Variants in PCLO observed in about 807,000 individuals in gnomAD.
The protein encoded by PCLO is piccolo presynaptic cytomatrix protein, also known as protein piccolo.
In PCLO, 82 loss-of-function variants were observed where a neutral mutation model predicts 427.5. The observed-to-expected ratio is 0.19, with a 90% CI of 0.16 to 0.23. The LOEUF is 0.23. PCLO is among the 10% of genes least tolerant of loss of function. The pLI, the probability that PCLO is intolerant of heterozygous loss-of-function variation, is 1.00. For missense variants in PCLO, 6,239 were observed against 6,115.9 expected (o/e 1.02, Z -0.67); for synonymous variants, 2,357 against 2,155.4 (o/e 1.09, Z -2.59).
At chr7:82,859,319 T>C (rs966231365) in intron 10 of PCLO, among the ~76,000 whole-genome samples, 1 of 152,194 alleles carries the variant, frequency 6.6e-6, no homozygotes, top group African/African-American at 2.4e-5. Context: ...GTGCTGACTT[T>C]AGGTCTTACC....
intron 6 of PCLO, among the ~76,000 whole-genome samples, chr7:82,932,696 G>A (rs1393796711): frequency 2.6e-5 from 4 of 152,060 alleles, no homozygotes; most frequent in Admixed American, 2.6e-4. Flanking sequence ...GGATCTGGCA[G>A]GACTTCTGAT....
At chr7:82,759,032 G>A (rs1283240904) in intron 24 of PCLO, among the ~76,000 whole-genome samples, 1 of 151,864 alleles carries the variant, frequency 6.6e-6, no homozygotes, top group African/African-American at 2.4e-5. Context: ...CTGATGGAAA[G>A]TTTCACAAAA....
chr7:82,881,972 T>C (rs1319841079), intron 9 of PCLO, among the ~76,000 whole-genome samples: 6 of 152,124 alleles, frequency 3.9e-5, no homozygotes, highest in African/African-American at 1.2e-4. Flanking sequence ...GACAATTAAG[T>C]TGCATAAGAA....
chr7:82,951,655 T>C (rs1410180325), intron 5 of PCLO, among the ~76,000 whole-genome samples, 165 bp from the exon 6 acceptor site: 3 of 146,712 alleles, frequency 2.0e-5, no homozygotes, highest in Non-Finnish European at 4.4e-5. Context: ...TGCAGGCGCA[T>C]GCAGTGATTT....
intron 3 of PCLO, among the ~76,000 whole-genome samples, chr7:83,084,865 CAG>C (rs1490186828): frequency 6.6e-6 from 1 of 152,144 alleles, no homozygotes; most frequent in Non-Finnish European, 1.5e-5. Context: ...GTTGACAACA[CAG>C]AGATTTACCT....
Position 82,802,268 on chromosome 7 carries a change from A to AAAAT in PCLO, c.14934-678_14934-677insATTT, listed in dbSNP as rs5885311. Among the ~76,000 whole-genome samples, 11 of 151,360 alleles carry AAAAT rather than the reference A, an allele frequency of 7.3e-5. No homozygotes were observed. In the South Asian group the frequency reaches 1.3e-3, roughly 17 times the overall value. ...AGCTACATTTTGATTATGAAAAAAA[A>AAAAT]CACATGAAAAATGCGTGAAAAGGGT... is the stretch of plus-strand genomic sequence containing the variant. On this transcript the variant is annotated intron_variant, in intron 21 of 24. Transcript: ENST00000333891.
At chr7:82,875,897 T>C (rs1048932091) in intron 10 of PCLO, among the ~76,000 whole-genome samples, 1 of 152,098 alleles carries the variant, frequency 6.6e-6, no homozygotes, top group African/African-American at 2.4e-5. Context: ...GCAGGAGACC[T>C]AGCTTTTCCA....
chr7:83,125,159 C>A (rs1189270911), intron 3 of PCLO, among the ~76,000 whole-genome samples: 1 of 152,156 alleles, frequency 6.6e-6, no homozygotes, highest in African/African-American at 2.4e-5. Flanking sequence ...AGATTGCAGC[C>A]TCTGCCCGGC....
chr7:82,828,267 T>C (rs967379630), intron 16 of PCLO, among the ~76,000 whole-genome samples: 1 of 152,102 alleles, frequency 6.6e-6, no homozygotes, highest in Non-Finnish European at 1.5e-5. Context: ...AGGAGATAAT[T>C]ACATGAACTA....
intron 3 of PCLO, among the ~76,000 whole-genome samples, chr7:83,109,057 C>T (rs1308673138): frequency 3.9e-5 from 6 of 152,176 alleles, no homozygotes; most frequent in Admixed American, 3.3e-4. Flanking sequence ...ACTGTCTATC[C>T]CCATTTTCTC....
Position 82,955,660 on chromosome 7 carries a change from G to A in PCLO, c.5293C>T (p.Pro1765Ser), listed in dbSNP as rs776887181. 2.7e-5 allele frequency: 43 copies of A among 1,613,714 alleles called. No homozygotes were observed. The highest frequency in any genetic ancestry group is 3.4e-5 in the Non-Finnish European group (40 of 1,179,874). Residue 1765 changes from proline (P) to serine (S), a missense_variant, in exon 5 of 25, where the codon CCT becomes TCT. Pro to Ser is a moderately conservative substitution (Grantham distance 74). Coordinates refer to ENST00000333891, the MANE Select transcript of PCLO (RefSeq NM_033026.6). ...QRKARHRPHG[P>S]LLPTIEDSSE... ...GAATCTTCAATAGTAGGCAAAAGAG[G>A]GCCATGTGGTCTGTGCCGAGCTTTG...
At chr7:82,807,211 C>A (rs535513770) in intron 20 of PCLO, among the ~76,000 whole-genome samples, 352 of 148,922 alleles carry the variant, frequency 2.4e-3, no homozygotes, top group Middle Eastern at 3.4e-3. Flanking sequence ...CTGTCAACAG[C>A]TGTTTCTTAC....
At chr7:82,874,378 C>T (rs1793317811) in intron 10 of PCLO, among the ~76,000 whole-genome samples, 1 of 152,106 alleles carries the variant, frequency 6.6e-6, no homozygotes, top group Admixed American at 6.6e-5. Flanking sequence ...ATCACCTTGA[C>T]TCCCAACGCA....
intron 3 of PCLO, among the ~76,000 whole-genome samples, chr7:83,121,147 AC>A (rs1316645037): frequency 1.2e-4 from 14 of 114,840 alleles, no homozygotes; most frequent in East Asian, 3.6e-4. Context: ...AAACAAACAA[AC>A]AAACAAAAAA....
rs780418136 is a variant in PCLO at position 82,915,994 on chromosome 7, C to A, written c.11992G>T (p.Ala3998Ser). ...TACTTACTACCAAGATGGGAAACAG[C>A]AAATGTGTTATCCGTAGAAACAGGT... The part of the protein sequence containing the change: ...IAPVSTDNTF[A>S]VSHLGSKYNS... The change falls in exon 7 of 25, where the codon GCT becomes TCT. Residue 3998 changes from alanine (A) to serine (S), a missense_variant. Around this residue, in one of 5 missense-constraint regions of PCLO, gnomAD observed 680 missense variants for 677.3 expected, o/e 1.00. Coordinates refer to ENST00000333891, the MANE Select transcript of PCLO (RefSeq NM_033026.6). 6.2e-7 allele frequency: 1 copy of A among 1,612,728 alleles called. No individual in the cohort carries two copies. The highest frequency in any genetic ancestry group is 8.5e-7 in the Non-Finnish European group (1 of 1,179,788).
At chr7:83,110,381 C>T (rs1790972990) in intron 3 of PCLO, among the ~76,000 whole-genome samples, 1 of 151,854 alleles carries the variant, frequency 6.6e-6, no homozygotes, top group Admixed American at 6.6e-5. Context: ...ATATAGTTGA[C>T]ACTTAATCAC....
At chr7:83,098,349 G>C (rs1790646949) in intron 3 of PCLO, among the ~76,000 whole-genome samples, 1 of 152,112 alleles carries the variant, frequency 6.6e-6, no homozygotes, top group South Asian at 2.1e-4. Context: ...ATATTTATTA[G>C]TGTATTGTTA....
Position 82,952,136 on chromosome 7 carries a change from C to T in PCLO, c.8817G>A (p.Val2939=). ...GTAATTTATAAACCACATCACAGCA[C>T]ACAGCTCTTCTCCCTGCGGTTAAAT... ...PVDLTAGRRA[V]CCDVVYKLPF... The change falls in exon 5 of 25, where the codon GTG becomes GTA. Residue 2939 remains valine, a synonymous_variant. Transcript: ENST00000333891. 6.2e-7 allele frequency: 1 copy of T among 1,612,456 alleles called. No homozygotes were observed. The highest frequency in any genetic ancestry group is 1.1e-5 in the South Asian group (1 of 91,008).
chr7:82,889,042 C>T (rs1389598912), intron 9 of PCLO, among the ~76,000 whole-genome samples: 2 of 149,184 alleles, frequency 1.3e-5, no homozygotes, highest in Non-Finnish European at 3.0e-5. Context: ...TTTCTGTTAC[C>T]TGCCAGTCTG....
Sources: allele counts gnomAD v4.1 joint callset (sites outside exome capture counted in the v4.1 genomes callset), GRCh38; gene constraint gnomAD v4.1.1; regional missense constraint gnomAD v4.1.1; transcripts MANE v1.5; gene names NCBI Gene and HGNC (gene_info 2026-07-23, HGNC 2026-07-21).